Variants in MEGF8 observed in about 807,000 individuals in gnomAD.
MEGF8 encodes the protein multiple EGF like domains 8, also known as multiple epidermal growth factor-like domains protein 8.
In MEGF8, 156 loss-of-function variants were observed where a neutral mutation model predicts 302.9. The ratio of observed to expected loss-of-function variants is 0.52; its 90% CI spans 0.45 to 0.59. The LOEUF is 0.59. Among genes scored for constraint, MEGF8 ranks in the 20% least tolerant of loss-of-function variants. The pLI is 0.00. For missense variants in MEGF8, 3,345 were observed against 3,964.5 expected (o/e 0.84, Z 4.20); for synonymous variants, 1,621 against 1,660.5 (o/e 0.98, Z 0.58).
Position 42,336,300 on chromosome 19 carries a change from T to TC in MEGF8, c.1201dup (p.Arg401ProfsTer24). On this transcript the variant is annotated frameshift_variant, in exon 6 of 42. Coordinates refer to ENST00000251268, the MANE Select transcript of MEGF8 (RefSeq NM_001271938.2). LOFTEE classifies it high-confidence loss of function. The surrounding 1 kb of genome is among the most constrained non-coding windows in gnomAD (Gnocchi z 4.8). ...CCACTCCATGGTGTTCCATGCCCCC[T>TC]CCCGTGCCCTGCTGGTCCATGGTGG... 6.2e-7 allele frequency: 1 copy of TC among 1,607,342 alleles called. No homozygotes were observed. Among genetic ancestry groups the TC allele is most frequent in the Non-Finnish European group, 8.5e-7 (1 of 1,179,174 alleles).
intron 15 of MEGF8, among the ~76,000 whole-genome samples, chr19:42,350,952 C>T (rs1302383518): frequency 6.6e-6 from 1 of 152,184 alleles, no homozygotes; most frequent in African/African-American, 2.4e-5. Flanking sequence ...GCCCCTTGCC[C>T]ACCTCTGGAT....
Position 42,349,649 on chromosome 19 carries a change from C to A in MEGF8, c.2449C>A (p.His817Asn). 6.2e-7 allele frequency: 1 copy of A among 1,611,928 alleles called. No homozygotes were observed. The highest frequency in any genetic ancestry group is 1.1e-5 in the South Asian group (1 of 91,078). ...GCTCAATGGCTCGGCAGGCCCTGGG[C>A]ACAGCGAGCTAACTCTGCTGTGGGA... ...GQLNGSAGPG[H>N]SELTLLWDRT... Residue 817 changes from histidine (H) to asparagine (N), a missense_variant, in exon 14 of 42, where the codon CAC becomes AAC. Physicochemically the swap from His to Asn is moderately conservative, Grantham distance 68. Transcript: ENST00000251268.
At chr19:42,330,661 A>G (rs1463706964) in intron 1 of MEGF8, among the ~76,000 whole-genome samples, 5 of 152,182 alleles carry the variant, frequency 3.3e-5, no homozygotes, top group African/African-American at 9.7e-5. Context: ...GGTCTGGGCA[A>G]TGCTGCAGAG....
chr19:42,351,698 A>G lies in MEGF8; in HGVS notation c.3038A>G (p.His1013Arg), dbSNP rs2039376362. Residue 1013 changes from histidine to arginine, a missense_variant, in exon 18 of 42, where the codon CAT becomes CGT. Physicochemically the swap from His to Arg is conservative, Grantham distance 29. Coordinates refer to ENST00000251268, the MANE Select transcript of MEGF8 (RefSeq NM_001271938.2). This position sits in a 1 kb window ranked among gnomAD's most constrained non-coding sequence, Gnocchi z 5.6. Reference sequence around the variant, plus strand: ...AGCTGCGATGGCTTCCTGACCTGCCATGAGTGTCTGCAGAGCCACGAGTGT... The same window carrying G: ...AGCTGCGATGGCTTCCTGACCTGCCGTGAGTGTCTGCAGAGCCACGAGTGT... ...CRSCDGFLTCHECLQSHECGW... is the reference protein window; with the variant it reads ...CRSCDGFLTCRECLQSHECGW... 1.9e-6 allele frequency: 3 copies of G among 1,596,164 alleles called. No homozygotes were observed. Among genetic ancestry groups the G allele is most frequent in the Non-Finnish European group, 2.6e-6 (3 of 1,171,920 alleles).
rs761480799 is a variant in MEGF8, at chr19:42,336,920, C to G, written c.1358C>G (p.Ala453Gly). ...CCAAGGGAGCGAGCCTTCCACACAG[C>G]CAGTGTTCTGGGCAATTACATGGTG... Reference protein sequence around the residue: ...QGPRERAFHTASVLGNYMVVY... With the variant: ...QGPRERAFHTGSVLGNYMVVY... The change falls in exon 7 of 42, where the codon GCC (alanine) becomes GGC (glycine). Residue 453 changes from alanine to glycine, a missense_variant. Ala to Gly is a moderately conservative substitution (Grantham distance 60). Transcript: ENST00000251268. This position sits in a 1 kb window ranked among gnomAD's most constrained non-coding sequence, Gnocchi z 4.8. The G allele has an allele frequency of 6.2e-7, 1 of 1,613,886 alleles. No individual in the cohort carries two copies. The highest frequency in any genetic ancestry group is 2.2e-5 in the East Asian group (1 of 44,872).
chr19:42,362,661 G>A, intron 34 of MEGF8, 64 bp downstream of exon 34: 3 of 1,547,874 alleles, frequency 1.9e-6, no homozygotes, highest in Non-Finnish European at 2.6e-6. Flanking sequence ...GTCTGAGGGA[G>A]GAGGGGCTGG....
In MEGF8 at chr19:42,375,382, G is replaced by A; in HGVS notation, c.7270-125G>A. The A allele has an allele frequency of 4.0e-6, 4 of 1,004,540 alleles. No homozygotes were observed. Among genetic ancestry groups the A allele is most frequent in the Non-Finnish European group, 5.7e-6 (4 of 703,672 alleles). 62.2% of individuals were successfully genotyped at this position (1,004,540 alleles called of 1,614,324 possible). On this transcript the variant is annotated intron_variant, in intron 41 of 41. Coordinates refer to ENST00000251268, the MANE Select transcript of MEGF8 (RefSeq NM_001271938.2). The surrounding 1 kb of genome is among the most constrained non-coding windows in gnomAD (Gnocchi z 7.1). The stretch of plus-strand genomic sequence containing the variant: ...GGGTCACAGGGAAGTGACTGGGGCA[G>A]TGGGGGTGAGGCCCAGGGCAATGGC...
Position 42,375,630 on chromosome 19 carries a change from C to G in MEGF8, c.7393C>G (p.Pro2465Ala). 1 of 1,608,336 alleles carries G rather than the reference C, an allele frequency of 6.2e-7. No homozygotes were observed. The highest frequency in any genetic ancestry group is 8.5e-7 in the Non-Finnish European group (1 of 1,177,986). Reference sequence around the variant, plus strand: ...GTCCCAGACCAACTGCTTCCATGAGCCCAAACGCCGGGCGCTAGGCCCCGG... The same window carrying G: ...GTCCCAGACCAACTGCTTCCATGAGGCCAAACGCCGGGCGCTAGGCCCCGG... The part of the protein sequence containing the change: ...PTSQTNCFHE[P>A]KRRALGPGRT... Residue 2465 changes from proline (P) to alanine (A), a missense_variant, in exon 42 of 42, where the codon CCC becomes GCC. Physicochemically the swap from Pro to Ala is conservative, Grantham distance 27. Transcript: ENST00000251268. This position sits in a 1 kb window ranked among gnomAD's most constrained non-coding sequence, Gnocchi z 7.1.
In MEGF8 at chr19:42,353,675, G is replaced by A. The variant is rs1233110690; in HGVS notation, c.3761G>A (p.Arg1254Gln). 8 of 1,576,962 alleles carry A rather than the reference G, an allele frequency of 5.1e-6. No homozygotes were observed. Among genetic ancestry groups the A allele is most frequent in the African/African-American group, 1.3e-5 (1 of 74,474 alleles). Reference sequence around the variant, plus strand: ...TCCCCAGGCTATTATGGGGATCCCCGGTGAGCCAACGGGCCAGCCAGGGCT... The same window carrying A: ...TCCCCAGGCTATTATGGGGATCCCCAGTGAGCCAACGGGCCAGCCAGGGCT... ...LCSPGYYGDPRAGGSCFRECG... is the reference protein window; with the variant it reads ...LCSPGYYGDPQAGGSCFRECG... The change falls in exon 21 of 42, where the codon CGG becomes CAG. Residue 1254 changes from arginine to glutamine, a missense_variant and splice_region_variant. Coordinates refer to ENST00000251268, the MANE Select transcript of MEGF8 (RefSeq NM_001271938.2). The surrounding 1 kb of genome is among the most constrained non-coding windows in gnomAD (Gnocchi z 6.1).
intron 12 of MEGF8, among the ~76,000 whole-genome samples, chr19:42,347,988 A>G (rs1267589140): frequency 6.6e-6 from 1 of 152,178 alleles, no homozygotes. Context: ...GTTGGATAAG[A>G]AGACACTGAA....
intron 12 of MEGF8, among the ~76,000 whole-genome samples, chr19:42,346,618 A>G (rs2039292472): frequency 6.6e-6 from 1 of 152,086 alleles, no homozygotes; most frequent in Admixed American, 6.5e-5. Context: ...CAGAGGTTAC[A>G]GTGACCCAAG....
chr19:42,353,049 C>T lies in MEGF8; in HGVS notation c.3472C>T (p.Arg1158Cys), dbSNP rs977777127. 3.9e-6 allele frequency: 6 copies of T among 1,552,482 alleles called. 1 individual carries two copies. The highest frequency in any genetic ancestry group is 2.4e-5 in the East Asian group (1 of 41,042). Residue 1158 changes from arginine to cysteine, a missense_variant, in exon 20 of 42, where the codon CGC becomes TGC. Coordinates refer to ENST00000251268, the MANE Select transcript of MEGF8 (RefSeq NM_001271938.2). The surrounding 1 kb of genome is among the most constrained non-coding windows in gnomAD (Gnocchi z 6.1). ...PTPAPGPPAP[R>C]CSRDCGCSFH... ...ACCCGCCCCGGGTCCGCCAGCCCCCCGCTGCTCCCGGGACTGTGGCTGCAG... is the reference window on the plus strand; with the variant it reads ...ACCCGCCCCGGGTCCGCCAGCCCCCTGCTGCTCCCGGGACTGTGGCTGCAG...
intron 1 of MEGF8, among the ~76,000 whole-genome samples, chr19:42,330,247 C>T (rs1482628923): frequency 6.6e-6 from 1 of 152,146 alleles, no homozygotes; most frequent in African/African-American, 2.4e-5. Context: ...ATAACATCCT[C>T]ATGGATAAGA....
intron 30 of MEGF8, 43 bp from the exon 31 acceptor site, chr19:42,359,055 C>G: frequency 6.6e-7 from 1 of 1,523,540 alleles, no homozygotes; most frequent in Non-Finnish European, 8.8e-7. Context: ...GAGGACAGCT[C>G]TGACAGGCTG....
Position 42,356,951 on chromosome 19 carries a change from C to T in MEGF8, c.4800C>T (p.Asn1600=), listed in dbSNP as rs756781768. 22 of 1,609,194 alleles carry T rather than the reference C, an allele frequency of 1.4e-5. No homozygotes were observed. The highest frequency in any genetic ancestry group is 2.7e-5 in the African/African-American group (2 of 74,870). Residue 1600 remains asparagine (N), a synonymous_variant, in exon 27 of 42, where the codon AAC becomes AAT. Coordinates refer to ENST00000251268, the MANE Select transcript of MEGF8 (RefSeq NM_001271938.2). This position sits in a 1 kb window ranked among gnomAD's most constrained non-coding sequence, Gnocchi z 5.2. ...TCACCCGTGATTTCTGGGTCCTCAA[C>T]CTCACCACCCTGCAATGGCGGCAGG... is the stretch of plus-strand genomic sequence containing the variant. ...GGVTRDFWVL[N]LTTLQWRQEK... is the part of the protein sequence containing the mutation.
At position 42,343,707 on chromosome 19, in the gene MEGF8, A is replaced by G. The variant is rs185796906; in HGVS notation, c.1668+76A>G. 1.6e-4 allele frequency: 234 copies of G among 1,476,568 alleles called. No homozygotes were observed. In the African/African-American group the frequency reaches 2.7e-3, roughly 17 times the overall value. 91.5% of individuals were successfully genotyped at this position (1,476,568 alleles called of 1,614,324 possible). A position where few individuals can be genotyped will look rare whatever the true frequency, so the allele number is the denominator to read the frequency against. ...GGTTTCCACAGGTGAGGGGAAAGGC[A>G]GGAGGGGATCCCTGGGAGAAGGAGT... On this transcript the variant is annotated intron_variant, in intron 9 of 41. Transcript: ENST00000251268.
chr19:42,369,122 G>A lies in MEGF8; in HGVS notation c.6641+120G>A, dbSNP rs2039649098. 4 of 1,305,426 alleles carry A rather than the reference G, an allele frequency of 3.1e-6. No homozygotes were observed. The East Asian group carries it at 9.8e-5, about 32-fold the overall frequency. 80.9% of individuals were successfully genotyped at this position (1,305,426 alleles called of 1,614,324 possible). Reference sequence around the variant, plus strand: ...AGAAAAGAAAGCTCGAGGCATGAAGGCAGTGGGATTGATTCCTGAAGGTCA... The same window carrying A: ...AGAAAAGAAAGCTCGAGGCATGAAGACAGTGGGATTGATTCCTGAAGGTCA... On this transcript the variant is annotated intron_variant, in intron 37 of 41. Coordinates refer to ENST00000251268, the MANE Select transcript of MEGF8 (RefSeq NM_001271938.2). This position sits in a 1 kb window ranked among gnomAD's most constrained non-coding sequence, Gnocchi z 5.7.
At chr19:42,349,759 G>C in intron 14 of MEGF8, 60 bp downstream of exon 14, 1 of 1,551,010 alleles carries the variant, frequency 6.4e-7, no homozygotes, top group Non-Finnish European at 8.8e-7. Context: ...GATCACCTGG[G>C]CTTTCTGAAC....
Position 42,361,016 on chromosome 19 carries a change from G to A in MEGF8, c.5720+10G>A. Reference sequence around the variant, plus strand: ...GGGATCAGGCCCACAGGTAACCATGGCGACCATGACAGGCAGTGGGGAGTG... The same window carrying A: ...GGGATCAGGCCCACAGGTAACCATGACGACCATGACAGGCAGTGGGGAGTG... On this transcript the variant is annotated intron_variant, in intron 32 of 41. Coordinates refer to ENST00000251268, the MANE Select transcript of MEGF8 (RefSeq NM_001271938.2). 1 of 1,535,980 alleles carries A rather than the reference G, an allele frequency of 6.5e-7. No individual in the cohort carries two copies. The highest frequency in any genetic ancestry group is 8.8e-7 in the Non-Finnish European group (1 of 1,141,482).
Sources: allele counts gnomAD v4.1 joint callset (sites outside exome capture counted in the v4.1 genomes callset), GRCh38; gene constraint gnomAD v4.1.1; non-coding constraint Gnocchi (gnomAD v3.1); transcripts MANE v1.5; gene names NCBI Gene and HGNC (gene_info 2026-07-23, HGNC 2026-07-21).